The following FAM107A variants were observed in gnomAD, a reference collection of about 807,000 sequenced individuals.
The protein encoded by FAM107A is family with sequence similarity 107 member A.
In FAM107A, 19 loss-of-function variants were observed where a neutral mutation model predicts 13.7. The ratio of observed to expected loss-of-function variants is 1.38; its 90% CI spans 0.97 to 2.03. The LOEUF is 2.03. Among genes scored for constraint, FAM107A ranks in the 30% most tolerant of loss-of-function variants. FAM107A has a pLI of 0.00. For synonymous variants in FAM107A, 82 were observed against 74.5 expected (o/e 1.10, Z -0.52); for missense variants, 203 against 184.4 (o/e 1.10, Z -0.58).
In FAM107A at chr3:58,569,706, A is replaced by T; in HGVS notation, c.155T>A (p.Leu52His). ...TCATCCCTACCTTCTGTGGTTCATG[A>T]GCAGCTCCCGGTGGAGCTCCTGGTG... ...RSHQELHREL[L>H]MNHRRGLGVD... The change falls in exon 2 of 4, where the codon CTC becomes CAC. Residue 52 changes from leucine to histidine, a missense_variant. By Grantham distance (99) the Leu-to-His change is moderately conservative. Coordinates refer to ENST00000360997, the MANE Select transcript of FAM107A (RefSeq NM_001076778.3). The surrounding 1 kb of genome is among the most constrained non-coding windows in gnomAD (Gnocchi z 5.7). The T allele has an allele frequency of 6.2e-7, 1 of 1,613,446 alleles. No homozygotes were observed. Among genetic ancestry groups the T allele is most frequent in the South Asian group, 1.1e-5 (1 of 91,014 alleles).
upstream of FAM107A, among the ~76,000 whole-genome samples, chr3:58,578,634 G>T (rs1408101962): frequency 6.6e-6 from 1 of 152,132 alleles, no homozygotes; most frequent in African/African-American, 2.4e-5. Flanking sequence ...GATCCTTAAG[G>T]CCAGCCTGGA....
upstream of FAM107A, among the ~76,000 whole-genome samples, chr3:58,587,737 A>G (rs2065622951): frequency 1.3e-5 from 2 of 152,090 alleles, no homozygotes; most frequent in African/African-American, 4.8e-5. Flanking sequence ...TCAGGTCTAA[A>G]GGTGGGAGGT....
At chr3:58,605,640 T>C (rs1286514187) in intron 1 of FAM107A, among the ~76,000 whole-genome samples, 1 of 152,174 alleles carries the variant, frequency 6.6e-6, no homozygotes, top group Non-Finnish European at 1.5e-5. Context: ...TTTTGCCAAG[T>C]GTCAAGTTGT....
At chr3:58,627,084 G>A (rs2066026027) in intron 1 of FAM107A, 1 of 1,297,090 alleles carries the variant, frequency 7.7e-7, no homozygotes, top group South Asian at 1.3e-5. Context: ...CAGGACCCAA[G>A]GGGCTCCCGG....
intron 1 of FAM107A, among the ~76,000 whole-genome samples, chr3:58,616,063 T>A (rs2065898509): frequency 6.6e-6 from 1 of 152,070 alleles, no homozygotes; most frequent in African/African-American, 2.4e-5. Context: ...TGGAGCCCAG[T>A]GTGTATGGAG....
chr3:58,577,698 G>C, upstream of FAM107A: 2 of 985,364 alleles, frequency 2.0e-6, no homozygotes, highest in Non-Finnish European at 2.4e-6. The surrounding 1 kb of genome is among the most constrained non-coding windows in gnomAD (Gnocchi z 4.9). Context: ...GTTTCTTATG[G>C]GAGGGTCAGG....
At chr3:58,573,104 G>C (rs2063700335) in intron 1 of FAM107A, among the ~76,000 whole-genome samples, 2 of 152,212 alleles carry the variant, frequency 1.3e-5, no homozygotes, top group South Asian at 4.1e-4. Context: ...CCTGAGGCCA[G>C]GCTGGTGTGG....
intron 1 of FAM107A, among the ~76,000 whole-genome samples, chr3:58,594,369 A>T (rs2065681095): frequency 6.6e-6 from 1 of 152,062 alleles, no homozygotes; most frequent in Non-Finnish European, 1.5e-5. Context: ...ACTTTCTCAT[A>T]CACCATGAAA....
rs117085240 is a variant in FAM107A, at chr3:58,619,262, A to C, written c.-70+8154T>G. ...GTGATCCTCCCTCCTTGGCCTCCCA[A>C]ACTGTTGGGATTACAGGCCGTGAGC... On this transcript the variant is annotated intron_variant, in intron 1 of 3. Transcript: ENST00000465970. Among the ~76,000 whole-genome samples the C allele has an allele frequency of 8.5e-5, 13 of 152,250 alleles. No homozygotes were observed. The East Asian group carries it at 2.5e-3, about 29-fold the overall frequency.
upstream of FAM107A, among the ~76,000 whole-genome samples, chr3:58,580,186 A>G (rs567098152): frequency 1.3e-5 from 2 of 152,302 alleles, no homozygotes; most frequent in African/African-American, 4.8e-5. Flanking sequence ...GATGTCTTCT[A>G]CATATTCAAT....
At chr3:58,620,597 G>A (rs1002551009) in intron 1 of FAM107A, among the ~76,000 whole-genome samples, 3 of 152,238 alleles carry the variant, frequency 2.0e-5, no homozygotes, top group Non-Finnish European at 4.4e-5. Context: ...TCTTGGAAGA[G>A]GCGGTTCCAG....
chr3:58,571,137 G>C (rs1187405636), intron 1 of FAM107A, among the ~76,000 whole-genome samples: 1 of 152,228 alleles, frequency 6.6e-6, no homozygotes, highest in Non-Finnish European at 1.5e-5. Flanking sequence ...ATACAGAGAG[G>C]GGGGTTTGAC....
At chr3:58,598,428 C>T (rs1443396065) in intron 1 of FAM107A, among the ~76,000 whole-genome samples, 1 of 152,196 alleles carries the variant, frequency 6.6e-6, no homozygotes, top group Non-Finnish European at 1.5e-5. Flanking sequence ...ATTCATTCAG[C>T]CCCTTAGGTC....
intron 1 of FAM107A, among the ~76,000 whole-genome samples, chr3:58,583,722 TC>T (rs1192712397): frequency 6.6e-6 from 1 of 151,970 alleles, no homozygotes; most frequent in African/African-American, 2.4e-5. Flanking sequence ...GCTCTGTTGC[TC>T]AGGCTGGAGG....
intron 1 of FAM107A, among the ~76,000 whole-genome samples, chr3:58,621,151 G>A (rs1263768674): frequency 6.6e-6 from 1 of 152,140 alleles, no homozygotes; most frequent in Non-Finnish European, 1.5e-5. Flanking sequence ...AAATCTAGCG[G>A]GTAAATAGAT....
At position 58,569,852 on chromosome 3, in the gene FAM107A, C is replaced by T. The variant is rs763381481; in HGVS notation, c.9G>A (p.Ser3=). Reference sequence around the variant, plus strand: ...TGTCTGCCCGCTCCCTCTGGATCTCCGAGTACATGGCGGCTGTAGAGATGG... The same window carrying T: ...TGTCTGCCCGCTCCCTCTGGATCTCTGAGTACATGGCGGCTGTAGAGATGG... MY[S]EIQRERADIG... Residue 3 remains serine, a synonymous_variant, in exon 2 of 4, where the codon TCG becomes TCA. Transcript: ENST00000360997. The surrounding 1 kb of genome is among the most constrained non-coding windows in gnomAD (Gnocchi z 5.7). The T allele has an allele frequency of 3.8e-5, 62 of 1,613,774 alleles. No homozygotes were observed. Among genetic ancestry groups the T allele is most frequent in the African/African-American group, 8.0e-5 (6 of 74,930 alleles).
upstream of FAM107A, among the ~76,000 whole-genome samples, chr3:58,582,604 C>A (rs908360732): frequency 6.6e-6 from 1 of 152,210 alleles, no homozygotes; most frequent in Non-Finnish European, 1.5e-5. Flanking sequence ...CAACCCGGAC[C>A]ACAATCCTGA....
rs559887360 is a variant in FAM107A at position 58,617,337 on chromosome 3, C to A, written c.-70+10079G>T. On this transcript the variant is annotated intron_variant, in intron 1 of 3. Transcript: ENST00000465970. The surrounding 1 kb of genome is among the most constrained non-coding windows in gnomAD (Gnocchi z 4.5). ...CAAAAGGACAGACACTGCCCCATTTCTGGCTGAGCTCCTGCAGGTTCTAGG... is the reference window on the plus strand; with the variant it reads ...CAAAAGGACAGACACTGCCCCATTTATGGCTGAGCTCCTGCAGGTTCTAGG... Among the ~76,000 whole-genome samples the A allele has an allele frequency of 3.3e-5, 5 of 152,266 alleles. No individual in the cohort carries two copies. In the East Asian group the frequency reaches 7.8e-4, roughly 24 times the overall value.
chr3:58,627,482 C>A, exon 1 of FAM107A: 1 of 161,034 alleles, frequency 6.2e-6, no homozygotes, highest in Non-Finnish European at 1.4e-5. Context: ...AGGTGCAGAG[C>A]TCTGGGAGGG....
Sources: allele counts gnomAD v4.1 joint callset (sites outside exome capture counted in the v4.1 genomes callset), GRCh38; gene constraint gnomAD v4.1.1; non-coding constraint Gnocchi (gnomAD v3.1); transcripts MANE v1.5; gene names NCBI Gene and HGNC (gene_info 2026-07-23, HGNC 2026-07-21).